The following LCLAT1 variants were observed in gnomAD, a reference collection of about 807,000 sequenced individuals.
LCLAT1 encodes the protein lysocardiolipin acyltransferase 1.
Under a neutral mutation model 30.7 loss-of-function variants are expected in LCLAT1, and 11 were observed. The observed-to-expected ratio is 0.36, with a 90% CI of 0.23 to 0.59. The LOEUF (loss-of-function observed/expected upper bound fraction) is 0.59. Ranked by LOEUF, LCLAT1 falls within the 20% of genes least tolerant of loss-of-function variation. LCLAT1 has a pLI of 0.77. For synonymous variants in LCLAT1, 155 were observed against 151.3 expected (o/e 1.02, Z -0.18); for missense variants, 402 against 458.6 (o/e 0.88, Z 1.13).
At chr2:30,508,369 G>A (rs891936114) in intron 1 of LCLAT1, among the ~76,000 whole-genome samples, 46 of 152,084 alleles carry the variant, frequency 3.0e-4, no homozygotes, top group African/African-American at 1.1e-3. Flanking sequence ...CCTATGTCCA[G>A]AATAGTATTG....
intron 5 of LCLAT1, among the ~76,000 whole-genome samples, chr2:30,588,891 C>T (rs1457343247): frequency 6.6e-6 from 1 of 152,148 alleles, no homozygotes; most frequent in African/African-American, 2.4e-5. Context: ...TGAGCCACAG[C>T]GCCCTGCCAC....
At chr2:30,506,259 G>C (rs1684654418) in intron 1 of LCLAT1, among the ~76,000 whole-genome samples, 1 of 151,810 alleles carries the variant, frequency 6.6e-6, no homozygotes, top group East Asian at 1.9e-4. Flanking sequence ...CCTGTTGTCT[G>C]TTTGTTTTTT....
At chr2:30,510,295 A>G (rs1265464246) in intron 1 of LCLAT1, among the ~76,000 whole-genome samples, 2 of 152,166 alleles carry the variant, frequency 1.3e-5, no homozygotes, top group Admixed American at 1.3e-4. Flanking sequence ...ATGGGAAGTC[A>G]CTTTTACACC....
chr2:30,507,672 C>T (rs1447154445), intron 1 of LCLAT1, among the ~76,000 whole-genome samples: 1 of 152,086 alleles, frequency 6.6e-6, no homozygotes, highest in Non-Finnish European at 1.5e-5. Context: ...ATAGTATTCC[C>T]TGGTGTATTT....
At chr2:30,523,067 G>A (rs1001924085) in intron 1 of LCLAT1, among the ~76,000 whole-genome samples, 3 of 151,964 alleles carry the variant, frequency 2.0e-5, no homozygotes, top group African/African-American at 7.3e-5. Context: ...TGGATACAAC[G>A]TGAAGTGTAG....
At chr2:30,591,626 G>GT (rs1666695998) in intron 5 of LCLAT1, among the ~76,000 whole-genome samples, 1 of 152,074 alleles carries the variant, frequency 6.6e-6, no homozygotes, top group African/African-American at 2.4e-5. Context: ...TTCCTACAAA[G>GT]TTTTATTGAC....
chr2:30,581,276 G>T (rs529265413), intron 5 of LCLAT1, among the ~76,000 whole-genome samples: 2 of 152,162 alleles, frequency 1.3e-5, no homozygotes, highest in South Asian at 4.2e-4. Context: ...CATCTCTTCT[G>T]CCTTTGATTA....
chr2:30,469,944 T>C (rs1335711135), intron 1 of LCLAT1, among the ~76,000 whole-genome samples: 1 of 152,142 alleles, frequency 6.6e-6, no homozygotes, highest in Non-Finnish European at 1.5e-5. Flanking sequence ...TTGGCCAAGC[T>C]AGTCTCAAAC....
chr2:30,505,048 T>C (rs1684589627), intron 1 of LCLAT1, among the ~76,000 whole-genome samples: 1 of 152,168 alleles, frequency 6.6e-6, no homozygotes, highest in South Asian at 2.1e-4. Flanking sequence ...CTGCATATTG[T>C]GTCATAGTAT....
intron 5 of LCLAT1, among the ~76,000 whole-genome samples, chr2:30,599,003 A>AGAT (rs1219889852): frequency 8.9e-6 from 1 of 112,940 alleles, no homozygotes; most frequent in Admixed American, 1.0e-4. Context: ...TGTTTGAGAT[A>AGAT]GATAGAGTCT....
At chr2:30,600,802 G>C (rs932947298) in intron 5 of LCLAT1, among the ~76,000 whole-genome samples, 3 of 152,176 alleles carry the variant, frequency 2.0e-5, no homozygotes, top group African/African-American at 7.2e-5. Context: ...TGGGGTTCTT[G>C]GGTTTCCTGA....
intron 3 of LCLAT1, among the ~76,000 whole-genome samples, chr2:30,544,706 T>G (rs564867238): frequency 6.6e-6 from 1 of 152,300 alleles, no homozygotes; most frequent in South Asian, 2.1e-4. Flanking sequence ...AAGGGATTAT[T>G]TTTGTTTATC....
intron 1 of LCLAT1, chr2:30,459,743 A>G (rs764360023): frequency 6.5e-7 from 1 of 1,532,944 alleles, no homozygotes; most frequent in Non-Finnish European, 9.0e-7. Flanking sequence ...GTAATGATTT[A>G]GATGCTTGAG....
At chr2:30,552,155 A>G (rs548571051) in intron 3 of LCLAT1, among the ~76,000 whole-genome samples, 1 of 152,352 alleles carries the variant, frequency 6.6e-6, no homozygotes, top group African/African-American at 2.4e-5. Context: ...TGCAACAGGA[A>G]GAAATATCTC....
At chr2:30,449,867 T>TA (rs905793522) in intron 1 of LCLAT1, among the ~76,000 whole-genome samples, 14 of 152,334 alleles carry the variant, frequency 9.2e-5, no homozygotes, top group Admixed American at 5.2e-4. Context: ...TTACATTTTT[T>TA]AAAAGAATAA....
chr2:30,497,107 C>G (rs1435575951), intron 1 of LCLAT1, among the ~76,000 whole-genome samples: 1 of 152,222 alleles, frequency 6.6e-6, no homozygotes, highest in East Asian at 1.9e-4. Context: ...TATAGTAAAA[C>G]TGATACTTAG....
chr2:30,491,299 A>G lies in LCLAT1; in HGVS notation c.-4-34288A>G, dbSNP rs74570986. 2.2e-4 allele frequency among the ~76,000 whole-genome samples: 34 copies of G among 152,354 alleles called. No individual in the cohort carries two copies. The East Asian group carries it at 6.0e-3, about 27-fold the overall frequency. On this transcript the variant is annotated intron_variant, in intron 1 of 5. Coordinates refer to ENST00000379509, the MANE Select transcript of LCLAT1 (RefSeq NM_001002257.3). ...TTAGTGCCATGTGTAATTCAGTAGTATATTTATTGAGCACTTACATATACC... is the reference window on the plus strand; with the variant it reads ...TTAGTGCCATGTGTAATTCAGTAGTGTATTTATTGAGCACTTACATATACC...
chr2:30,522,381 T>A (rs539994494), intron 1 of LCLAT1, among the ~76,000 whole-genome samples: 7 of 149,240 alleles, frequency 4.7e-5, no homozygotes, highest in South Asian at 2.1e-4. Flanking sequence ...TGTTTTAAAA[T>A]TTTTTTTTTT....
intron 2 of LCLAT1, among the ~76,000 whole-genome samples, chr2:30,529,797 T>C (rs923851724): frequency 6.6e-6 from 1 of 152,146 alleles, no homozygotes; most frequent in Non-Finnish European, 1.5e-5. Context: ...GGGTGCTCAG[T>C]GTTTTGAAGA....
Sources: allele counts gnomAD v4.1 joint callset (sites outside exome capture counted in the v4.1 genomes callset), GRCh38; gene constraint gnomAD v4.1.1; transcripts MANE v1.5; gene names NCBI Gene and HGNC (gene_info 2026-07-23, HGNC 2026-07-21).